RBMS1: variants seen among roughly 807,000 people sequenced by gnomAD.
RBMS1 encodes RNA-binding motif, single-stranded-interacting protein 1.
Under a neutral mutation model 62.3 loss-of-function variants are expected in RBMS1, and 17 were observed. That is an observed-to-expected ratio of 0.27 (90% CI 0.19 to 0.41). RBMS1 has a LOEUF of 0.41. Among genes scored for constraint, RBMS1 ranks in the 10% least tolerant of loss-of-function variants. The pLI is 1.00. For missense variants in RBMS1, 334 were observed against 504.5 expected (o/e 0.66, Z 3.24); for synonymous variants, 172 against 170.0 (o/e 1.01, Z -0.09).
chr2:160,441,126 A>T (rs1683393377), intron 1 of RBMS1, among the ~76,000 whole-genome samples: 1 of 152,198 alleles, frequency 6.6e-6, no homozygotes, highest in Admixed American at 6.5e-5. Context: ...CACAGGATAA[A>T]GTCGTTTTTT....
intron 1 of RBMS1, among the ~76,000 whole-genome samples, chr2:160,394,268 C>T (rs555722949): frequency 6.6e-5 from 10 of 152,274 alleles, no homozygotes; most frequent in South Asian, 2.1e-4. Context: ...TCCTCACAGA[C>T]GAGCCTTCTC....
chr2:160,493,220 C>G, intron 1 of RBMS1, 69 bp downstream of exon 1: 1 of 1,484,714 alleles, frequency 6.7e-7, no homozygotes, highest in South Asian at 1.2e-5. Flanking sequence ...CCCCCCTCCC[C>G]AGGCCTGACC....
chr2:160,426,285 G>GAAAGAAAGAAAGAAAGAAAGAAAGA (rs1395046461), intron 1 of RBMS1, among the ~76,000 whole-genome samples: 1 of 100,138 alleles, frequency 1.0e-5, no homozygotes, highest in Non-Finnish European at 2.0e-5. Flanking sequence ...AAGAAAGAAA[G>GAAAGAAAGAAAGAAAGAAAGAAAGA]AAAGAAAAGA....
At chr2:160,277,154 G>T in intron 12 of RBMS1, 149 bp downstream of exon 12, 1 of 657,598 alleles carries the variant, frequency 1.5e-6, no homozygotes, top group Non-Finnish European at 2.6e-6. Flanking sequence ...CCAAAGTGTT[G>T]GACTTACAGG....
intron 1 of RBMS1, among the ~76,000 whole-genome samples, chr2:160,425,012 CCTA>C (rs1682490926): frequency 6.6e-6 from 1 of 151,884 alleles, no homozygotes; most frequent in Non-Finnish European, 1.5e-5. Flanking sequence ...TCTTCAGATC[CCTA>C]TTAGACCTTA....
At chr2:160,318,713 A>AT (rs1460612652) in intron 2 of RBMS1, among the ~76,000 whole-genome samples, 1 of 152,240 alleles carries the variant, frequency 6.6e-6, no homozygotes, top group African/African-American at 2.4e-5. Context: ...GCAAGGCTCC[A>AT]TATCGCCACA....
At chr2:160,470,909 T>C (rs1684889520) in intron 1 of RBMS1, among the ~76,000 whole-genome samples, 1 of 152,216 alleles carries the variant, frequency 6.6e-6, no homozygotes, top group South Asian at 2.1e-4. Flanking sequence ...CTCGGACCCA[T>C]GTCTTTTTAT....
chr2:160,425,216 G>GT (rs1189299730), intron 1 of RBMS1, among the ~76,000 whole-genome samples: 1 of 152,138 alleles, frequency 6.6e-6, no homozygotes, highest in Non-Finnish European at 1.5e-5. Context: ...GTATACACTT[G>GT]TTCAGTGCCT....
Position 160,303,424 on chromosome 2 carries a change from C to G in RBMS1, c.466G>C (p.Glu156Gln). Residue 156 changes from glutamate to glutamine, a missense_variant, in exon 5 of 14, where the codon GAA becomes CAA. By Grantham distance (29) the Glu-to-Gln change is conservative. Transcript: ENST00000348849. ...SNLPLSMDEQ[E>Q]LENMLKPFGQ... ...AATGGTTTGAGCATATTTTCTAGTT[C>G]TTGCTCATCCATGGAGAGTGGCAAA... The G allele has an allele frequency of 6.2e-7, 1 of 1,613,464 alleles. No individual in the cohort carries two copies. Among genetic ancestry groups the G allele is most frequent in the Non-Finnish European group, 8.5e-7 (1 of 1,179,552 alleles).
At chr2:160,348,206 A>C (rs1692293516) in intron 2 of RBMS1, among the ~76,000 whole-genome samples, 1 of 152,124 alleles carries the variant, frequency 6.6e-6, no homozygotes, top group South Asian at 2.1e-4. Context: ...TATGCATTTG[A>C]TATCCCAAAT....
chr2:160,474,113 A>G (rs1685034961), intron 1 of RBMS1, among the ~76,000 whole-genome samples: 1 of 152,196 alleles, frequency 6.6e-6, no homozygotes, highest in African/African-American at 2.4e-5. Flanking sequence ...AAAGGAACAT[A>G]AGTTTGAGTC....
At chr2:160,343,819 G>A (rs1316600420) in intron 2 of RBMS1, among the ~76,000 whole-genome samples, 2 of 152,188 alleles carry the variant, frequency 1.3e-5, no homozygotes, top group South Asian at 2.1e-4. Context: ...CTTTTGATGC[G>A]TTATTAATTT....
intron 1 of RBMS1, among the ~76,000 whole-genome samples, chr2:160,413,050 G>A (rs892976912): frequency 6.6e-6 from 1 of 152,174 alleles, no homozygotes; most frequent in Non-Finnish European, 1.5e-5. Flanking sequence ...ATGTCCAAGA[G>A]ATAAGAATAG....
At chr2:160,351,768 A>G (rs1692525275) in intron 2 of RBMS1, among the ~76,000 whole-genome samples, 1 of 152,130 alleles carries the variant, frequency 6.6e-6, no homozygotes, top group Non-Finnish European at 1.5e-5. Context: ...CCAAAATATC[A>G]GCATTCCCAA....
intron 1 of RBMS1, among the ~76,000 whole-genome samples, chr2:160,380,606 C>T (rs544730149): frequency 2.6e-5 from 4 of 152,312 alleles, no homozygotes; most frequent in African/African-American, 9.6e-5. Flanking sequence ...TTCAAGTCTT[C>T]GGATCTAACA....
At chr2:160,276,556 T>G in intron 12 of RBMS1, 1 of 152,252 alleles carries the variant, frequency 6.6e-6, no homozygotes, top group Non-Finnish European at 1.5e-5. Context: ...TGCCACGTTT[T>G]CTCTCTAACC....
At chr2:160,456,788 T>C (rs1334143236) in intron 1 of RBMS1, among the ~76,000 whole-genome samples, 6 of 152,306 alleles carry the variant, frequency 3.9e-5, no homozygotes, top group South Asian at 2.1e-4. Context: ...TTCTTCCAAT[T>C]TGGCTTCTTC....
chr2:160,375,279 C>T (rs1158442799), intron 1 of RBMS1, among the ~76,000 whole-genome samples: 1 of 152,152 alleles, frequency 6.6e-6, no homozygotes. Flanking sequence ...CAACTTAAGA[C>T]CAACAGACAT....
intron 2 of RBMS1, among the ~76,000 whole-genome samples, chr2:160,343,754 T>C (rs4597468): frequency 0.67 from 101,406 of 151,982 alleles, 34,467 homozygotes; most frequent in East Asian, 0.8. Flanking sequence ...GAGCCCCTTT[T>C]TAAAACCTAA....
Sources: gnomAD v4.1 joint callset for allele counts (sites outside exome capture counted in the v4.1 genomes callset) on GRCh38, gnomAD v4.1.1 for gene constraint, MANE v1.5 for transcripts, NCBI Gene and HGNC (gene_info 2026-07-23, HGNC 2026-07-21) for gene names.